Variants in CTNNA3 observed in about 807,000 individuals in gnomAD.
The protein encoded by CTNNA3 is catenin alpha 3.
In CTNNA3, 76 loss-of-function variants were observed where a neutral mutation model predicts 95.7. That is an observed-to-expected ratio of 0.79 (90% CI 0.66 to 0.96). The LOEUF is 0.96. Ranked by LOEUF, CTNNA3 falls within the 40% of genes least tolerant of loss-of-function variation. The pLI is 0.00. For synonymous variants in CTNNA3, 431 were observed against 374.4 expected (o/e 1.15, Z -1.74); for missense variants, 1,191 against 1,089.8 (o/e 1.09, Z -1.31).
intron 5 of CTNNA3, among the ~76,000 whole-genome samples, chr10:67,374,343 T>G (rs913330508): frequency 3.3e-5 from 5 of 152,182 alleles, no homozygotes; most frequent in African/African-American, 1.2e-4. Flanking sequence ...AACTCTGTTC[T>G]GGAATTTTGT....
intron 6 of CTNNA3, among the ~76,000 whole-genome samples, chr10:67,200,527 T>C (rs1468493856): frequency 1.3e-5 from 2 of 152,126 alleles, no homozygotes; most frequent in African/African-American, 2.4e-5. Flanking sequence ...CCTTGGTAAA[T>C]TGTAGCCTGC....
intron 13 of CTNNA3, among the ~76,000 whole-genome samples, chr10:66,122,408 T>C (rs1177865110): frequency 2.0e-5 from 3 of 151,858 alleles, no homozygotes; most frequent in African/African-American, 7.3e-5. Context: ...AAAAAGAAAA[T>C]GAAGCAAAAG....
At chr10:66,950,787 C>A (rs1227089335) in intron 7 of CTNNA3, among the ~76,000 whole-genome samples, 1 of 152,082 alleles carries the variant, frequency 6.6e-6, no homozygotes, top group African/African-American at 2.4e-5. Context: ...AGCATGAGTT[C>A]ATATAAGGGC....
intron 10 of CTNNA3, among the ~76,000 whole-genome samples, chr10:66,540,645 C>T (rs1589396026): frequency 6.7e-6 from 1 of 149,232 alleles, no homozygotes; most frequent in South Asian, 2.2e-4. Context: ...CCTTCCCTTC[C>T]TCTTTCTCTT....
At chr10:67,522,046 T>C in intron 4 of CTNNA3, 85 bp from the exon 5 acceptor site, 1 of 1,359,040 alleles carries the variant, frequency 7.4e-7, no homozygotes, top group Non-Finnish European at 1.0e-6. Context: ...GAGTCGATAA[T>C]GAGCCTCAGT....
chr10:67,533,057 C>T (rs538069085), intron 4 of CTNNA3, among the ~76,000 whole-genome samples: 84 of 152,264 alleles, frequency 5.5e-4, no homozygotes, highest in East Asian at 2.9e-3. Flanking sequence ...GGCACGGTGG[C>T]GGACGCCTGT....
At chr10:67,002,889 C>G (rs1275579300) in intron 7 of CTNNA3, among the ~76,000 whole-genome samples, 2 of 152,092 alleles carry the variant, frequency 1.3e-5, no homozygotes, top group Admixed American at 1.3e-4. Flanking sequence ...AGGATAAAAA[C>G]TTAGTATCAT....
At chr10:67,536,242 C>G (rs1162386576) in intron 4 of CTNNA3, among the ~76,000 whole-genome samples, 1 of 152,100 alleles carries the variant, frequency 6.6e-6, no homozygotes, top group Non-Finnish European at 1.5e-5. Context: ...GAGTAATCAT[C>G]AGTTATTTGA....
At chr10:65,965,644 AT>A (rs2077947923) in intron 17 of CTNNA3, among the ~76,000 whole-genome samples, 1 of 151,788 alleles carries the variant, frequency 6.6e-6, no homozygotes, top group South Asian at 2.1e-4. Flanking sequence ...ACCTCAAGTG[AT>A]CTGGACACCA....
chr10:67,634,080 G>A (rs989095254), intron 2 of CTNNA3, among the ~76,000 whole-genome samples: 3 of 152,182 alleles, frequency 2.0e-5, no homozygotes, highest in African/African-American at 7.2e-5. Flanking sequence ...TAGCCAGAAA[G>A]AAAGGCCAGG....
At chr10:66,583,074 A>G (rs992602060) in intron 10 of CTNNA3, among the ~76,000 whole-genome samples, 1 of 151,656 alleles carries the variant, frequency 6.6e-6, no homozygotes, top group Non-Finnish European at 1.5e-5. Flanking sequence ...ATCTATATTC[A>G]TCAGAGATTT....
chr10:66,281,948 G>A (rs1249898283), intron 12 of CTNNA3, among the ~76,000 whole-genome samples: 2 of 151,706 alleles, frequency 1.3e-5, no homozygotes, highest in African/African-American at 2.4e-5. Context: ...ATAAAAGGTG[G>A]CTACTAGCTG....
chr10:67,230,641 G>A (rs141627892), intron 5 of CTNNA3, among the ~76,000 whole-genome samples: 20 of 152,182 alleles, frequency 1.3e-4, no homozygotes, highest in African/African-American at 3.9e-4. Flanking sequence ...GACATGAATA[G>A]ACAATGCTCA....
At chr10:67,012,310 T>A (rs1382516977) in intron 7 of CTNNA3, 1 of 152,150 alleles carries the variant, frequency 6.6e-6, no homozygotes, top group Non-Finnish European at 1.5e-5. Flanking sequence ...AAAATAGAAA[T>A]GCCACCACCT....
intron 12 of CTNNA3, among the ~76,000 whole-genome samples, chr10:66,293,975 T>A (rs1291085303): frequency 1.3e-5 from 2 of 152,070 alleles, no homozygotes; most frequent in Non-Finnish European, 2.9e-5. Context: ...ATCAGCATTC[T>A]TGACAAGAAA....
Position 67,051,528 on chromosome 10 carries a change from C to T in CTNNA3, c.1047+128789G>A, listed in dbSNP as rs187486352. Reference sequence around the variant, plus strand: ...AGGCTGGAGTGCAGTGGTGCAATCTCGGCTCACTGCAACCTCCGCCTTCCA... The same window carrying T: ...AGGCTGGAGTGCAGTGGTGCAATCTTGGCTCACTGCAACCTCCGCCTTCCA... On this transcript the variant is annotated intron_variant, in intron 7 of 17. Transcript: ENST00000433211. 2.3e-3 allele frequency among the ~76,000 whole-genome samples: 339 copies of T among 150,572 alleles called. 1 individual carries two copies. Among genetic ancestry groups the T allele is most frequent in the South Asian group, 3.8e-3 (18 of 4,774 alleles).
chr10:67,119,390 C>T (rs540488465), intron 7 of CTNNA3, among the ~76,000 whole-genome samples: 1 of 151,910 alleles, frequency 6.6e-6, no homozygotes, highest in Non-Finnish European at 1.5e-5. Context: ...GGACATACTA[C>T]TACCGGAGAT....
At chr10:67,592,052 CT>C (rs1842805803) in intron 3 of CTNNA3, among the ~76,000 whole-genome samples, 2 of 152,006 alleles carry the variant, frequency 1.3e-5, no homozygotes, top group South Asian at 2.1e-4. Context: ...ATCTTACCCC[CT>C]CTCTCTCAAC....
At chr10:66,332,156 G>A (rs1246724373) in intron 12 of CTNNA3, among the ~76,000 whole-genome samples, 2 of 151,932 alleles carry the variant, frequency 1.3e-5, no homozygotes, top group East Asian at 3.9e-4. Flanking sequence ...CTGAGACAAT[G>A]GGGTTTTCTA....
Sources: gnomAD v4.1 joint callset for allele counts (sites outside exome capture counted in the v4.1 genomes callset) on GRCh38, gnomAD v4.1.1 for gene constraint, MANE v1.5 for transcripts, NCBI Gene and HGNC (gene_info 2026-07-23, HGNC 2026-07-21) for gene names.